The following TRPC4 variants were observed in gnomAD, a reference collection of about 807,000 sequenced individuals.
The protein encoded by TRPC4 is short transient receptor potential channel 4.
A neutral mutation model predicts 99.4 loss-of-function variants in TRPC4; 49 were observed. The ratio of observed to expected loss-of-function variants is 0.49; its 90% confidence interval spans 0.39 to 0.63. The LOEUF is 0.63. Among genes scored for constraint, TRPC4 ranks in the 20% least tolerant of loss-of-function variants. TRPC4 has a pLI of 0.00. For missense variants in TRPC4, 898 were observed against 1,152.9 expected (o/e 0.78, Z 3.20); for synonymous variants, 454 against 425.9 (o/e 1.07, Z -0.81).
At chr13:37,640,220 G>A (rs17199750) in intron 8 of TRPC4, among the ~76,000 whole-genome samples, 15,372 of 151,986 alleles carry the variant, frequency 0.1, 880 homozygotes, top group Middle Eastern at 0.18. Context: ...TAAATTGTGA[G>A]AAAGCAAAAG....
At chr13:37,741,668 G>T (rs191439484) in intron 3 of TRPC4, among the ~76,000 whole-genome samples, 1 of 152,244 alleles carries the variant, frequency 6.6e-6, no homozygotes, top group East Asian at 1.9e-4. Flanking sequence ...TGAAAGCAAA[G>T]AAAACTTCAT....
intron 4 of TRPC4, among the ~76,000 whole-genome samples, chr13:37,675,180 A>C (rs1433589051): frequency 6.6e-6 from 1 of 152,164 alleles, no homozygotes; most frequent in Non-Finnish European, 1.5e-5. Context: ...AGAGTTGAAG[A>C]TCTTCCTAGG....
intron 3 of TRPC4, among the ~76,000 whole-genome samples, chr13:37,708,944 T>C (rs960394210): frequency 6.6e-5 from 10 of 151,992 alleles, no homozygotes; most frequent in African/African-American, 2.2e-4. Context: ...TATGACATAC[T>C]TGCCTGAGAT....
chr13:37,848,505 T>A (rs1958968324), intron 1 of TRPC4, among the ~76,000 whole-genome samples: 1 of 152,162 alleles, frequency 6.6e-6, no homozygotes, highest in South Asian at 2.1e-4. Flanking sequence ...TCATTTTTGA[T>A]GCTTGTAAGA....
chr13:37,787,719 C>T (rs1957007232), intron 1 of TRPC4, among the ~76,000 whole-genome samples: 1 of 151,888 alleles, frequency 6.6e-6, no homozygotes, highest in Admixed American at 6.6e-5. Flanking sequence ...TTCTGTAAAC[C>T]ATGAAGATAA....
At chr13:37,770,757 T>C (rs1167469404) in intron 2 of TRPC4, among the ~76,000 whole-genome samples, 1 of 151,670 alleles carries the variant, frequency 6.6e-6, no homozygotes, top group Admixed American at 6.6e-5. Context: ...ATTTTATTGA[T>C]AGAATTAATA....
chr13:37,792,431 C>T (rs1957144185), intron 1 of TRPC4, among the ~76,000 whole-genome samples: 2 of 151,942 alleles, frequency 1.3e-5, no homozygotes, highest in Admixed American at 6.6e-5. Flanking sequence ...AAAACAAGAA[C>T]GCGTGCATAA....
chr13:37,643,468 C>T (rs546816167), intron 8 of TRPC4, among the ~76,000 whole-genome samples: 110 of 152,168 alleles, frequency 7.2e-4, no homozygotes, highest in African/African-American at 2.6e-3. Context: ...AGGAAAGAAG[C>T]CGTAACAGCC....
At chr13:37,748,447 T>A (rs1267995896) in intron 2 of TRPC4, among the ~76,000 whole-genome samples, 2 of 152,136 alleles carry the variant, frequency 1.3e-5, no homozygotes, top group African/African-American at 4.8e-5. Context: ...TAAAAATAAG[T>A]ATAATATATC....
At chr13:37,665,916 TTAAGC>T (rs1017022446) in intron 5 of TRPC4, among the ~76,000 whole-genome samples, 9 of 152,034 alleles carry the variant, frequency 5.9e-5, no homozygotes, top group Non-Finnish European at 1.2e-4. Flanking sequence ...GTGTGATTAT[TTAAGC>T]TGATTTCAGA....
chr13:37,686,437 G>A (rs1358560217), intron 4 of TRPC4, among the ~76,000 whole-genome samples: 3 of 151,618 alleles, frequency 2.0e-5, no homozygotes, highest in Non-Finnish European at 4.4e-5. Context: ...GTGTGTGTGT[G>A]TGTATACACA....
intron 1 of TRPC4, among the ~76,000 whole-genome samples, chr13:37,835,584 G>A (rs1467691470): frequency 1.3e-5 from 2 of 152,160 alleles, no homozygotes; most frequent in Non-Finnish European, 1.5e-5. Context: ...GTAGAGAAAG[G>A]AAGACGTGTG....
chr13:37,739,696 G>A (rs1009822698), intron 3 of TRPC4, among the ~76,000 whole-genome samples: 2 of 151,802 alleles, frequency 1.3e-5, no homozygotes, highest in Admixed American at 6.6e-5. Context: ...AGTAGAGACA[G>A]GGTTTCGCTT....
intron 1 of TRPC4, 131 bp from the exon 2 acceptor site, chr13:37,783,491 G>T (rs1050999928): frequency 3.7e-6 from 2 of 540,282 alleles, no homozygotes; most frequent in Non-Finnish European, 2.7e-6. Flanking sequence ...AAGAGTTAAG[G>T]TTTTTTTTTT....
chr13:37,822,766 A>C (rs893869797), intron 1 of TRPC4, among the ~76,000 whole-genome samples: 2 of 152,174 alleles, frequency 1.3e-5, no homozygotes, highest in African/African-American at 4.8e-5. Flanking sequence ...CATGATTTAT[A>C]GTACTTTGGG....
At chr13:37,724,656 T>C (rs998806354) in intron 3 of TRPC4, among the ~76,000 whole-genome samples, 1 of 152,254 alleles carries the variant, frequency 6.6e-6, no homozygotes, top group Non-Finnish European at 1.5e-5. Context: ...GGTAAAACAA[T>C]CTAAGTAGTT....
chr13:37,764,658 C>T (rs943584238), intron 2 of TRPC4, among the ~76,000 whole-genome samples: 4 of 151,262 alleles, frequency 2.6e-5, no homozygotes, highest in Non-Finnish European at 4.4e-5. Flanking sequence ...TTTAATATTT[C>T]ACTTTTCAGA....
intron 3 of TRPC4, among the ~76,000 whole-genome samples, chr13:37,710,782 G>A (rs1954457268): frequency 6.6e-6 from 1 of 151,720 alleles, no homozygotes; most frequent in Non-Finnish European, 1.5e-5. Context: ...AGAGATATCT[G>A]GCCATGGATT....
rs752186191 is a variant in TRPC4, at chr13:37,674,312, G to C, written c.1290C>G (p.Ile430Met). 2.5e-6 allele frequency: 4 copies of C among 1,607,786 alleles called. No individual in the cohort carries two copies. The highest frequency in any genetic ancestry group is 3.4e-6 in the Non-Finnish European group (4 of 1,178,210). ...QMWDGGLQDY[I>M]HDWWNLMDFV... ...AGTCCATTAGATTCCACCAATCATGGATGTAGTCCTGAAGTCCGCCATCCC... is the reference window on the plus strand; with the variant it reads ...AGTCCATTAGATTCCACCAATCATGCATGTAGTCCTGAAGTCCGCCATCCC... Residue 430 changes from isoleucine to methionine, a missense_variant, in exon 5 of 11, where the codon ATC (isoleucine) becomes ATG (methionine). By Grantham distance (10) the Ile-to-Met change is conservative. Around this residue, in one of 3 missense-constraint regions of TRPC4, gnomAD observed 274 missense variants for 454.9 expected, o/e 0.60. Transcript: ENST00000379705.
Sources: allele counts gnomAD v4.1 joint callset (sites outside exome capture counted in the v4.1 genomes callset), GRCh38; gene constraint gnomAD v4.1.1; regional missense constraint gnomAD v4.1.1; transcripts MANE v1.5; gene names NCBI Gene and HGNC (gene_info 2026-07-23, HGNC 2026-07-21).